Variants in MPDZ observed in about 807,000 individuals in gnomAD.
MPDZ encodes the protein multiple PDZ domain protein.
A neutral mutation model predicts 239.1 loss-of-function variants in MPDZ; 234 were observed. The ratio of observed to expected loss-of-function variants is 0.98; its 90% CI spans 0.88 to 1.09. MPDZ has a LOEUF of 1.09. Ranked by LOEUF, MPDZ falls within the 50% of genes least tolerant of loss-of-function variation. The pLI, the probability that MPDZ is intolerant of heterozygous loss-of-function variation, is 0.00. For missense variants in MPDZ, 3,175 were observed against 2,510.0 expected, an observed-to-expected ratio of 1.26 and a Z score of -5.66; for synonymous variants, 1,048 against 881.3, an observed-to-expected ratio of 1.19 and a Z score of -3.35.
chr9:13,263,513 T>G (rs1971163640), intron 1 of MPDZ, among the ~76,000 whole-genome samples: 1 of 152,146 alleles, frequency 6.6e-6, no homozygotes, highest in Admixed American at 6.5e-5. Context: ...ACTACCTAAT[T>G]CCAGCAAAAC....
At chr9:13,163,551 A>G (rs1950705909) in intron 22 of MPDZ, among the ~76,000 whole-genome samples, 2 of 152,196 alleles carry the variant, frequency 1.3e-5, no homozygotes, top group South Asian at 4.1e-4. Context: ...TGAAAATTCA[A>G]GTCTACTGCT....
At chr9:13,188,559 C>G (rs1563988573) in intron 17 of MPDZ, among the ~76,000 whole-genome samples, 1 of 151,942 alleles carries the variant, frequency 6.6e-6, no homozygotes, top group East Asian at 1.9e-4. Context: ...AACCAAAGAC[C>G]AGTAAGTTAG....
In MPDZ at chr9:13,221,477, C is replaced by A; in HGVS notation, c.771G>T (p.Thr257=). Residue 257 remains threonine, a synonymous_variant, in exon 7 of 47, where the codon ACG becomes ACT. Coordinates refer to ENST00000319217, the MANE Select transcript of MPDZ (RefSeq NM_001378778.1). ...CAGATCCATCATTCACCAATTCAATCGTTTCCATGTGTTGCCAGTGAACCT... is the reference window on the plus strand; with the variant it reads ...CAGATCCATCATTCACCAATTCAATAGTTTCCATGTGTTGCCAGTGAACCT... ...SNPVHWQHME[T]IELVNDGSGL... The A allele has an allele frequency of 6.2e-7, 1 of 1,610,558 alleles. No individual in the cohort carries two copies. Among genetic ancestry groups the A allele is most frequent in the Non-Finnish European group, 8.5e-7 (1 of 1,177,936 alleles).
chr9:13,135,657 C>T (rs1443846139), intron 31 of MPDZ: 1 of 153,302 alleles, frequency 6.5e-6, no homozygotes, highest in Non-Finnish European at 1.4e-5. Flanking sequence ...CCTTTCCCCA[C>T]CAGCTTCCAT....
rs77926726 is a variant in MPDZ, at chr9:13,236,662, G to A, written c.183+10973C>T. ...CTAAAACCTTTGGGAATATACTTAG[G>A]TAAAAAAATTAAAACTCCCACTTCC... On this transcript the variant is annotated intron_variant, in intron 3 of 46. Transcript: ENST00000319217. Among the ~76,000 whole-genome samples the A allele has an allele frequency of 4.4e-3, 673 of 151,394 alleles. 3 individuals are homozygous for A. The highest frequency in any genetic ancestry group is 0.016 in the African/African-American group (656 of 41,266).
chr9:13,236,644 C>A (rs1964119838), intron 3 of MPDZ, among the ~76,000 whole-genome samples: 1 of 151,470 alleles, frequency 6.6e-6, no homozygotes, highest in Non-Finnish European at 1.5e-5. Flanking sequence ...ACACTAAAAC[C>A]TTTGGGAATA....
chr9:13,234,178 C>T (rs1168761910), intron 3 of MPDZ, among the ~76,000 whole-genome samples: 1 of 151,996 alleles, frequency 6.6e-6, no homozygotes, highest in Non-Finnish European at 1.5e-5. Flanking sequence ...TTATAAATTA[C>T]TTATACTTCT....
At chr9:13,211,686 G>A (rs564885196) in intron 10 of MPDZ, among the ~76,000 whole-genome samples, 30 of 152,082 alleles carry the variant, frequency 2.0e-4, no homozygotes, top group African/African-American at 5.3e-4. Context: ...ACAACATAAC[G>A]ATCCATGATT....
chr9:13,265,769 C>A (rs1025390683), intron 1 of MPDZ, among the ~76,000 whole-genome samples: 9 of 151,882 alleles, frequency 5.9e-5, no homozygotes, highest in Non-Finnish European at 1.3e-4. Context: ...GACACTGGGG[C>A]AGAACAATAG....
chr9:13,140,011 CTT>C lies in MPDZ; in HGVS notation c.3977_3978del (p.Lys1326ArgfsTer3). ...SASKISQDVD[K>X]EDEFGYSWKN... ...CTCCAGCTGTAACCAAACTCATCCT[CTT>C]TGTCCACATCTTGTGAGATTTTGCT... On this transcript the variant is annotated frameshift_variant, in exon 28 of 47. Transcript: ENST00000319217. LOFTEE classifies it high-confidence loss of function. 1 of 1,613,384 alleles carries C rather than the reference CTT, an allele frequency of 6.2e-7. No homozygotes were observed. Among genetic ancestry groups the C allele is most frequent in the South Asian group, 1.1e-5 (1 of 91,074 alleles).
At chr9:13,108,654 A>AT (rs1941895661) in intron 46 of MPDZ, among the ~76,000 whole-genome samples, 2 of 152,280 alleles carry the variant, frequency 1.3e-5, no homozygotes, top group East Asian at 3.9e-4. Flanking sequence ...TTGTGTTCAA[A>AT]GAAAAAAAAA....
chr9:13,212,838 T>C (rs1370630880), intron 10 of MPDZ, among the ~76,000 whole-genome samples: 1 of 147,566 alleles, frequency 6.8e-6, no homozygotes, highest in Non-Finnish European at 1.5e-5. Flanking sequence ...ATCCTCGTAG[T>C]GTGCACTGCA....
intron 3 of MPDZ, among the ~76,000 whole-genome samples, chr9:13,236,751 CAT>C (rs1964146943): frequency 6.6e-6 from 1 of 151,730 alleles, no homozygotes; most frequent in Admixed American, 6.6e-5. Flanking sequence ...GAAGTTAAAA[CAT>C]AGTTTTGTTT....
At chr9:13,258,487 A>G in intron 1 of MPDZ, among the ~76,000 whole-genome samples, 1 of 152,238 alleles carries the variant, frequency 6.6e-6, no homozygotes, top group East Asian at 1.9e-4. Context: ...CCTCAGCAGT[A>G]CCTGAAGTAA....
chr9:13,158,783 A>G (rs1950129339), intron 23 of MPDZ, among the ~76,000 whole-genome samples: 1 of 152,196 alleles, frequency 6.6e-6, no homozygotes, highest in South Asian at 2.1e-4. Context: ...AAATGTGTCC[A>G]GTCTACTGAT....
chr9:13,236,951 C>T (rs76313889), intron 3 of MPDZ, among the ~76,000 whole-genome samples: 1,819 of 151,226 alleles, frequency 0.012, 40 homozygotes, highest in African/African-American at 0.042. Flanking sequence ...ATCTTTATTT[C>T]TTATTATTGT....
At chr9:13,138,247 C>T (rs1947132669) in intron 28 of MPDZ, 94 bp from the exon 29 acceptor site, 1 of 1,264,496 alleles carries the variant, frequency 7.9e-7, no homozygotes, top group Admixed American at 3.1e-5. Flanking sequence ...CTCAAAAGGA[C>T]AGATTTTATA....
Position 13,130,916 on chromosome 9 carries a change from AT to A in MPDZ, c.4464+2907del, listed in dbSNP as rs1945894550. ...AGTTGAAACAGGTAATGGATGGGAA[AT>A]GGGACTTGGAGGCAGAAGACCAGAG... On this transcript the variant is annotated intron_variant, in intron 32 of 46. Coordinates refer to ENST00000319217, the MANE Select transcript of MPDZ (RefSeq NM_001378778.1). Among the ~76,000 whole-genome samples the A allele has an allele frequency of 2.0e-5, 3 of 152,184 alleles. No individual in the cohort carries two copies. The South Asian group carries it at 6.2e-4, about 31-fold the overall frequency.
intron 22 of MPDZ, chr9:13,165,536 CCTTT>C: frequency 1.0e-6 from 1 of 1,000,534 alleles, no homozygotes; most frequent in Non-Finnish European, 1.4e-6. Flanking sequence ...TTTTTTTCCC[CCTTT>C]CCACCTCCCT....
Sources: gnomAD v4.1 joint callset for allele counts (sites outside exome capture counted in the v4.1 genomes callset) on GRCh38, gnomAD v4.1.1 for gene constraint, MANE v1.5 for transcripts, NCBI Gene and HGNC (gene_info 2026-07-23, HGNC 2026-07-21) for gene names.